PPP2R2B: variants seen among roughly 807,000 people sequenced by gnomAD.
PPP2R2B encodes serine/threonine-protein phosphatase 2A 55 kDa regulatory subunit B beta isoform.
A neutral mutation model predicts 46.0 loss-of-function variants in PPP2R2B; 5 were observed. The ratio of observed to expected loss-of-function variants is 0.11; its 90% CI spans 0.06 to 0.23. PPP2R2B has a LOEUF of 0.23. Among genes scored for constraint, PPP2R2B ranks in the 10% least tolerant of loss-of-function variants. The pLI, the probability that PPP2R2B is intolerant of heterozygous loss-of-function variation, is 1.00. For missense variants in PPP2R2B, 367 were observed against 575.0 expected, an observed-to-expected ratio of 0.64 and a Z score of 3.70; for synonymous variants, 215 against 206.7, an observed-to-expected ratio of 1.04 and a Z score of -0.34.
chr5:146,808,830 T>C (rs570145912), intron 2 of PPP2R2B, among the ~76,000 whole-genome samples: 1 of 152,356 alleles, frequency 6.6e-6, no homozygotes, highest in Admixed American at 6.5e-5. Flanking sequence ...TCAATTCTAC[T>C]TTCATGTTGG....
rs184842066 is a variant in PPP2R2B at position 146,804,401 on chromosome 5, G to A, written c.70+73601C>T. Among the ~76,000 whole-genome samples, 358 of 152,200 alleles carry A rather than the reference G, an allele frequency of 2.4e-3. 2 individuals carry two copies. Among genetic ancestry groups the A allele is most frequent in the African/African-American group, 8.0e-3 (332 of 41,520 alleles). The stretch of plus-strand genomic sequence containing the variant: ...ACTAGCATCTGGCAGACCCGGGACT[G>A]GAACCCAAGGCCATCTGTGTACAAA... On this transcript the variant is annotated intron_variant, in intron 2 of 9. Coordinates refer to ENST00000394411, the MANE Select transcript of PPP2R2B (RefSeq NM_181675.4).
At chr5:146,607,255 T>C (rs1772383199) in intron 7 of PPP2R2B, 1 of 152,212 alleles carries the variant, frequency 6.6e-6, no homozygotes, top group African/African-American at 2.4e-5. Flanking sequence ...TACTGGCCTT[T>C]ATCCAGCTGA....
intron 7 of PPP2R2B, among the ~76,000 whole-genome samples, chr5:146,630,075 A>G (rs1774327210): frequency 1.3e-5 from 2 of 152,160 alleles, no homozygotes; most frequent in South Asian, 4.1e-4. Context: ...TCAGCCTCCC[A>G]AAGTGCTGGG....
intron 1 of PPP2R2B, among the ~76,000 whole-genome samples, chr5:146,905,149 T>A (rs372198638): frequency 6.6e-6 from 1 of 152,078 alleles, no homozygotes; most frequent in African/African-American, 2.4e-5. Flanking sequence ...CTATGTCAAG[T>A]GTTGGTGAGG....
chr5:146,835,666 G>A (rs1237152210), intron 2 of PPP2R2B, among the ~76,000 whole-genome samples: 1 of 152,124 alleles, frequency 6.6e-6, no homozygotes, highest in Non-Finnish European at 1.5e-5. Context: ...CACAGTGCCT[G>A]GGCCAGACAG....
chr5:146,784,197 A>G (rs1172088047), intron 2 of PPP2R2B, among the ~76,000 whole-genome samples: 1 of 152,230 alleles, frequency 6.6e-6, no homozygotes, highest in Admixed American at 6.5e-5. Flanking sequence ...TGTAAATAGC[A>G]TGCATGATAT....
At chr5:146,759,318 A>G (rs1754020525) in intron 2 of PPP2R2B, among the ~76,000 whole-genome samples, 1 of 152,208 alleles carries the variant, frequency 6.6e-6, no homozygotes, top group Non-Finnish European at 1.5e-5. Flanking sequence ...AATAAGTAAT[A>G]TACTTCCCCT....
chr5:146,654,795 C>G (rs912499559), intron 5 of PPP2R2B, among the ~76,000 whole-genome samples: 1 of 152,186 alleles, frequency 6.6e-6, no homozygotes, highest in African/African-American at 2.4e-5. Context: ...GCTTGCACAG[C>G]CTAGGTCTCT....
At chr5:147,027,731 T>G (rs545532665) in intron 1 of PPP2R2B, among the ~76,000 whole-genome samples, 18 of 152,272 alleles carry the variant, frequency 1.2e-4, no homozygotes, top group Middle Eastern at 3.4e-3. Context: ...GTTCTGTATC[T>G]TCACTGTGGT....
intron 4 of PPP2R2B, among the ~76,000 whole-genome samples, chr5:146,694,183 G>A (rs767531333): frequency 9.2e-5 from 14 of 152,336 alleles, no homozygotes; most frequent in Non-Finnish European, 1.8e-4. Flanking sequence ...TTGTATCTGG[G>A]CATCACTTGG....
chr5:146,734,923 C>A (rs918344865), intron 2 of PPP2R2B, among the ~76,000 whole-genome samples: 1 of 152,128 alleles, frequency 6.6e-6, no homozygotes, highest in Non-Finnish European at 1.5e-5. Context: ...TTTTATTACC[C>A]GCCCCTTTCT....
At chr5:146,825,565 C>A (rs1758527880) in intron 2 of PPP2R2B, among the ~76,000 whole-genome samples, 1 of 152,132 alleles carries the variant, frequency 6.6e-6, no homozygotes, top group Non-Finnish European at 1.5e-5. Context: ...TCCAAACAGA[C>A]TATAAGTGTA....
intron 1 of PPP2R2B, among the ~76,000 whole-genome samples, chr5:146,891,809 C>T (rs1762499336): frequency 1.3e-5 from 2 of 152,130 alleles, no homozygotes; most frequent in African/African-American, 4.8e-5. Context: ...TAACCTAGGC[C>T]TTGAAGCAAG....
chr5:146,597,891 C>T (rs1421640531), intron 8 of PPP2R2B, among the ~76,000 whole-genome samples: 1 of 152,224 alleles, frequency 6.6e-6, no homozygotes, highest in Non-Finnish European at 1.5e-5. Flanking sequence ...TTACCATCTA[C>T]AGCCAATTCT....
At chr5:146,732,358 C>T (rs563180206) in intron 2 of PPP2R2B, among the ~76,000 whole-genome samples, 16 of 152,314 alleles carry the variant, frequency 1.1e-4, no homozygotes, top group African/African-American at 3.8e-4. Flanking sequence ...TCTGAAGCCT[C>T]AGGCTTCCAG....
At chr5:147,006,965 C>G (rs1324814226) in intron 1 of PPP2R2B, among the ~76,000 whole-genome samples, 1 of 152,172 alleles carries the variant, frequency 6.6e-6, no homozygotes, top group Non-Finnish European at 1.5e-5. Context: ...TGGCTTCTCC[C>G]CTTTCTAGGT....
chr5:146,609,749 C>T (rs1227685613), intron 7 of PPP2R2B, among the ~76,000 whole-genome samples: 2 of 141,928 alleles, frequency 1.4e-5, no homozygotes, highest in African/African-American at 5.5e-5. Context: ...CCTGGAAAAT[C>T]GGGTCACTCC....
chr5:146,617,627 C>A (rs1267612514), intron 7 of PPP2R2B, among the ~76,000 whole-genome samples: 1 of 151,800 alleles, frequency 6.6e-6, no homozygotes, highest in Non-Finnish European at 1.5e-5. Context: ...CATGCCTACG[C>A]TCCTTCAACA....
chr5:146,988,740 AG>A (rs951298518), intron 1 of PPP2R2B, among the ~76,000 whole-genome samples: 16 of 152,044 alleles, frequency 1.1e-4, no homozygotes, highest in African/African-American at 3.1e-4. Context: ...ACCCAGAATA[AG>A]TAGAAAGAAA....
Sources: gnomAD v4.1 joint callset for allele counts (sites outside exome capture counted in the v4.1 genomes callset) on GRCh38, gnomAD v4.1.1 for gene constraint, MANE v1.5 for transcripts, NCBI Gene and HGNC (gene_info 2026-07-23, HGNC 2026-07-21) for gene names.